NDRG3: variants seen among roughly 807,000 people sequenced by gnomAD.
NDRG3 encodes the protein protein NDRG3.
Under a neutral mutation model 57.2 loss-of-function variants are expected in NDRG3, and 23 were observed. The ratio of observed to expected loss-of-function variants is 0.40; its 90% confidence interval spans 0.29 to 0.57. The LOEUF (loss-of-function observed/expected upper bound fraction) is 0.57, where lower values mean the gene tolerates loss of function less well. Ranked by LOEUF, NDRG3 falls within the 20% of genes least tolerant of loss-of-function variation. The pLI is 0.42. For synonymous variants in NDRG3, 132 were observed against 162.6 expected, an observed-to-expected ratio of 0.81 and a Z score of 1.43; for missense variants, 384 against 457.3, an observed-to-expected ratio of 0.84 and a Z score of 1.46.
chr20:36,712,582 TA>T lies in NDRG3; in HGVS notation c.58-5576del, dbSNP rs1164425337. Among the ~76,000 whole-genome samples, 210 of 34,542 alleles carry T rather than the reference TA, an allele frequency of 6.1e-3. 4 individuals are homozygous for T. Among genetic ancestry groups the T allele is most frequent in the African/African-American group, 0.013 (118 of 9,150 alleles). 22.7% of individuals were successfully genotyped at this position (34,542 alleles called of 152,430 possible). The stretch of plus-strand genomic sequence containing the variant: ...GGCTATATATATATATATATATATA[TA>T]TATATTTTTTTTTTTTTTTTTTTTT... On this transcript the variant is annotated intron_variant, in intron 2 of 15. Transcript: ENST00000349004.
intron 1 of NDRG3, among the ~76,000 whole-genome samples, chr20:36,731,643 T>C (rs1015623801): frequency 6.6e-6 from 1 of 150,640 alleles, no homozygotes. Flanking sequence ...CTGTCTCTAC[T>C]AAAAAAATAC....
rs565239526 is a variant in NDRG3 at position 36,743,424 on chromosome 20, G to A, written c.-49+2621C>T. Among the ~76,000 whole-genome samples, 91 of 152,266 alleles carry A rather than the reference G, an allele frequency of 6.0e-4. 2 individuals carry two copies. The highest frequency in any genetic ancestry group is 2.0e-3 in the African/African-American group (82 of 41,556). ...CAGGAAAATCGCTTGAACCCAGGAT[G>A]CGGAGGTTGCAGTGAGCCGAGATTG... On this transcript the variant is annotated intron_variant, in intron 1 of 15. Transcript: ENST00000349004.
intron 1 of NDRG3, among the ~76,000 whole-genome samples, chr20:36,744,792 C>A (rs1600988854): frequency 1.3e-5 from 2 of 152,192 alleles, no homozygotes; most frequent in East Asian, 3.8e-4. Context: ...AATGTTCAAG[C>A]CCAACCTTGG....
At chr20:36,662,383 C>T (rs936809211) in intron 12 of NDRG3, among the ~76,000 whole-genome samples, 5 of 151,920 alleles carry the variant, frequency 3.3e-5, no homozygotes, top group Non-Finnish European at 5.9e-5. Flanking sequence ...ACACCCAGCT[C>T]GTTTTTGTAT....
chr20:36,715,285 T>C (rs1156972303), intron 2 of NDRG3, among the ~76,000 whole-genome samples: 2 of 151,354 alleles, frequency 1.3e-5, no homozygotes, highest in East Asian at 2.0e-4. Flanking sequence ...GAGGGTCATC[T>C]GGTCTGTAAC....
rs144767714 is a variant in NDRG3 at position 36,729,500 on chromosome 20, GA to G, written c.-48-7718del. Among the ~76,000 whole-genome samples the G allele has an allele frequency of 3.9e-3, 592 of 152,044 alleles. 7 individuals are homozygous for G. Among genetic ancestry groups the G allele is most frequent in the African/African-American group, 0.013 (546 of 41,494 alleles). ...TGGAGATAATCTGAGGTGAGGAGAT[GA>G]ACTGAAAGCCTTCATTATTATTAGC... is the stretch of plus-strand genomic sequence containing the variant. On this transcript the variant is annotated intron_variant, in intron 1 of 15. Transcript: ENST00000349004.
In NDRG3 at chr20:36,665,110, A is replaced by G. The variant is rs1013056525; in HGVS notation, c.759-13T>C. On this transcript the variant is annotated splice_polypyrimidine_tract_variant and intron_variant, in intron 11 of 15. Coordinates refer to ENST00000349004, the MANE Select transcript of NDRG3 (RefSeq NM_032013.4). Reference sequence around the variant, plus strand: ...TAAAGTAGAACACCTAGGTAGGCAAAGTAAGAGGTGTCACTCAGCAAATAG... The same window carrying G: ...TAAAGTAGAACACCTAGGTAGGCAAGGTAAGAGGTGTCACTCAGCAAATAG... 2.5e-6 allele frequency: 4 copies of G among 1,614,052 alleles called. No individual in the cohort carries two copies. The highest frequency in any genetic ancestry group is 3.4e-6 in the Non-Finnish European group (4 of 1,179,894).
At chr20:36,662,897 G>A (rs1187378268) in intron 12 of NDRG3, among the ~76,000 whole-genome samples, 1 of 152,074 alleles carries the variant, frequency 6.6e-6, no homozygotes, top group Admixed American at 6.6e-5. Context: ...AACTGCAAAG[G>A]TTGCTTTAAG....
At chr20:36,681,360 G>A (rs1377906462) in intron 7 of NDRG3, among the ~76,000 whole-genome samples, 1 of 151,888 alleles carries the variant, frequency 6.6e-6, no homozygotes, top group Non-Finnish European at 1.5e-5. Flanking sequence ...ATGTCTGGCC[G>A]GGCACGGTGG....
At chr20:36,733,017 T>C (rs944288360) in intron 1 of NDRG3, among the ~76,000 whole-genome samples, 7 of 150,944 alleles carry the variant, frequency 4.6e-5, no homozygotes, top group Non-Finnish European at 1.0e-4. Context: ...TGTGATGACG[T>C]GTGCCTGTAG....
intron 1 of NDRG3, among the ~76,000 whole-genome samples, chr20:36,725,061 C>T (rs1452609827): frequency 7.3e-5 from 11 of 151,668 alleles, no homozygotes; most frequent in Non-Finnish European, 1.6e-4. Flanking sequence ...TTTGGGAGGC[C>T]GAGGCAGGTG....
At chr20:36,688,842 A>G in intron 3 of NDRG3, 58 bp from the exon 4 acceptor site, 1 of 1,206,668 alleles carries the variant, frequency 8.3e-7, no homozygotes. Flanking sequence ...CAGGTTGCCA[A>G]AGTTTCACAA....
chr20:36,719,356 G>A (rs1047955749), intron 2 of NDRG3, among the ~76,000 whole-genome samples: 1 of 151,150 alleles, frequency 6.6e-6, no homozygotes, highest in African/African-American at 2.4e-5. Context: ...GAACCCGGGA[G>A]GCAGAGGTTG....
chr20:36,697,639 C>T (rs1215737898), intron 3 of NDRG3, among the ~76,000 whole-genome samples: 3 of 150,640 alleles, frequency 2.0e-5, no homozygotes, highest in East Asian at 2.0e-4. Context: ...ACCCGGGAGG[C>T]GGAGGTTGCA....
In NDRG3 at chr20:36,727,613, C is replaced by T. The variant is rs183687792; in HGVS notation, c.-48-5830G>A. On this transcript the variant is annotated intron_variant, in intron 1 of 15. Coordinates refer to ENST00000349004, the MANE Select transcript of NDRG3 (RefSeq NM_032013.4). ...GCTGGAGTGCAGTGGCACATCTCAG[C>T]TCACTGCAAGCTCCGCCTCCTGGGT... Among the ~76,000 whole-genome samples, 250 of 151,538 alleles carry T rather than the reference C, an allele frequency of 1.6e-3. 2 individuals carry two copies. Among genetic ancestry groups the T allele is most frequent in the African/African-American group, 5.7e-3 (237 of 41,300 alleles).
intron 12 of NDRG3, among the ~76,000 whole-genome samples, chr20:36,661,585 T>C (rs1162407921): frequency 6.6e-6 from 1 of 152,146 alleles, no homozygotes; most frequent in East Asian, 1.9e-4. Flanking sequence ...TTTGAGGACT[T>C]CCAGAATCAA....
At chr20:36,684,331 T>A (rs918760166) in intron 6 of NDRG3, 82 bp downstream of exon 6, 18 of 1,175,932 alleles carry the variant, frequency 1.5e-5, no homozygotes, top group Middle Eastern at 1.9e-4. Flanking sequence ...TTCCTAACCA[T>A]CATATCCTCT....
intron 3 of NDRG3, among the ~76,000 whole-genome samples, chr20:36,703,555 T>TG (rs1195115877): frequency 3.9e-5 from 6 of 151,976 alleles, no homozygotes; most frequent in African/African-American, 1.5e-4. Context: ...GCAATCCGCT[T>TG]GCCTCAGCCT....
In NDRG3 at chr20:36,686,188, G is replaced by C. The variant is rs148690854; in HGVS notation, c.320+1304C>G. The stretch of plus-strand genomic sequence containing the variant: ...TCCACAAAATAGAAAAAAGGAACTG[G>C]ATACAAATCTTGTTGGATATAAACT... On this transcript the variant is annotated intron_variant, in intron 5 of 15. Coordinates refer to ENST00000349004, the MANE Select transcript of NDRG3 (RefSeq NM_032013.4). Among the ~76,000 whole-genome samples, 1,302 of 152,268 alleles carry C rather than the reference G, an allele frequency of 8.6e-3. 10 individuals carry two copies. The highest frequency in any genetic ancestry group is 0.02 in the Middle Eastern group (6 of 294).
Sources: allele counts gnomAD v4.1 joint callset (sites outside exome capture counted in the v4.1 genomes callset), GRCh38; gene constraint gnomAD v4.1.1; transcripts MANE v1.5; gene names NCBI Gene and HGNC (gene_info 2026-07-23, HGNC 2026-07-21).